Variants in PHAF1 observed in about 807,000 individuals in gnomAD.
PHAF1 encodes phagosome assembly factor 1.
PHAF1 carries 23 observed loss-of-function variants against 63.1 expected under a neutral mutation model. The observed-to-expected ratio is 0.36, with a 90% CI of 0.26 to 0.52. The LOEUF (loss-of-function observed/expected upper bound fraction) is 0.52. Ranked by LOEUF, PHAF1 falls within the 20% of genes least tolerant of loss-of-function variation. The pLI is 0.93. For synonymous variants in PHAF1, 167 were observed against 185.0 expected (o/e 0.90, Z 0.79); for missense variants, 427 against 517.2 (o/e 0.83, Z 1.69).
chr16:67,134,284 A>G lies in PHAF1; in HGVS notation c.548+19A>G, dbSNP rs1178804748. ...ATACCAAGTAAGTATAAGGAGCATG[A>G]GTTTCTTGCTAAGGCCTGGGCTGCC... On this transcript the variant is annotated intron_variant, in intron 7 of 15. Coordinates refer to ENST00000219139, the MANE Select transcript of PHAF1 (RefSeq NM_025187.5). 2 of 1,610,022 alleles carry G rather than the reference A, an allele frequency of 1.2e-6. No individual in the cohort carries two copies. The highest frequency in any genetic ancestry group is 1.7e-6 in the Non-Finnish European group (2 of 1,176,408).
In PHAF1 at chr16:67,137,134, G is replaced by A. The variant is rs868371128; in HGVS notation, c.661+2667G>A. ...AGCGCCACCGCGCTCCAGCCTGAGC[G>A]ACAGAGCAAGACTCCTTCTCAAAAA... On this transcript the variant is annotated intron_variant, in intron 8 of 15. Transcript: ENST00000219139. Among the ~76,000 whole-genome samples, 4 of 149,442 alleles carry A rather than the reference G, an allele frequency of 2.7e-5. No homozygotes were observed. In the East Asian group the frequency reaches 5.9e-4, roughly 22 times the overall value.
intron 1 of PHAF1, among the ~76,000 whole-genome samples, chr16:67,118,234 A>G (rs1334991506): frequency 2.0e-5 from 3 of 148,320 alleles, no homozygotes; most frequent in Admixed American, 1.4e-4. Context: ...CGGCCTCCCA[A>G]AGTGCTGGGA....
Position 67,132,502 on chromosome 16 carries a change from C to T in PHAF1, c.332C>T (p.Ser111Phe). Reference sequence around the variant, plus strand: ...CCTACCATTGAACAGATTGACCAGTCTTTTGGCGCAACCCATCCTGGAGGT... The same window carrying T: ...CCTACCATTGAACAGATTGACCAGTTTTTTGGCGCAACCCATCCTGGAGGT... ...IAPTIEQIDQ[S>F]FGATHPGVYN... Residue 111 changes from serine to phenylalanine, a missense_variant, in exon 5 of 16, where the codon TCT (serine) becomes TTT (phenylalanine). Ser to Phe is a radical substitution (Grantham distance 155). Transcript: ENST00000219139. 1 of 1,614,162 alleles carries T rather than the reference C, an allele frequency of 6.2e-7. No individual in the cohort carries two copies. Among genetic ancestry groups the T allele is most frequent in the Non-Finnish European group, 8.5e-7 (1 of 1,180,020 alleles).
At position 67,124,485 on chromosome 16, in the gene PHAF1, A is replaced by G. The variant is rs116269267; in HGVS notation, c.148-1474A>G. On this transcript the variant is annotated intron_variant, in intron 2 of 15. Transcript: ENST00000219139. ...AGACTCTTAGGAGAGAATTTCTCCA[A>G]TGAGGCCAACACCAGCAGTGGCTTA... Among the ~76,000 whole-genome samples the G allele has an allele frequency of 7.2e-3, 1,104 of 152,336 alleles. 16 individuals are homozygous for G. Among genetic ancestry groups the G allele is most frequent in the African/African-American group, 0.025 (1,051 of 41,576 alleles).
At chr16:67,127,394 C>T (rs1469672583) in intron 3 of PHAF1, among the ~76,000 whole-genome samples, 2 of 152,158 alleles carry the variant, frequency 1.3e-5, no homozygotes, top group Non-Finnish European at 2.9e-5. Context: ...GAAAACAAAA[C>T]ATGGAAAGAG....
Position 67,147,247 on chromosome 16 carries a change from T to G in PHAF1, c.*116T>G. The G allele has an allele frequency of 2.0e-6, 2 of 1,005,482 alleles. No homozygotes were observed. Among genetic ancestry groups the G allele is most frequent in the South Asian group, 3.1e-5 (2 of 64,744 alleles). 62.3% of individuals were successfully genotyped at this position (1,005,482 alleles called of 1,614,324 possible). A position where few individuals can be genotyped will look rare whatever the true frequency, so the allele number is the denominator to read the frequency against. The stretch of plus-strand genomic sequence containing the variant: ...ACACCTGGCCAGTGCTGAAGGGCTG[T>G]TGTGATGTTCTGAGGTTGGGCTCAG... On this transcript the variant is annotated 3_prime_UTR_variant, in exon 16 of 16. Coordinates refer to ENST00000219139, the MANE Select transcript of PHAF1 (RefSeq NM_025187.5).
chr16:67,126,549 T>G (rs573209784), intron 3 of PHAF1, among the ~76,000 whole-genome samples: 1 of 151,948 alleles, frequency 6.6e-6, no homozygotes, highest in African/African-American at 2.4e-5. Context: ...TGCAATTTGC[T>G]AACACCTGTT....
chr16:67,111,172 C>A (rs1158138501), intron 1 of PHAF1, among the ~76,000 whole-genome samples: 1 of 152,160 alleles, frequency 6.6e-6, no homozygotes, highest in Non-Finnish European at 1.5e-5. Context: ...TAAACCCAGA[C>A]CTCAGTTGTG....
intron 8 of PHAF1, 168 bp downstream of exon 8, chr16:67,134,635 G>C: frequency 1.4e-6 from 1 of 717,620 alleles, no homozygotes; most frequent in Non-Finnish European, 2.5e-6. Context: ...CAGTTCTGGA[G>C]GCTGGGAAGT....
At chr16:67,134,536 G>T in intron 8 of PHAF1, 69 bp downstream of exon 8, 1 of 1,278,074 alleles carries the variant, frequency 7.8e-7, no homozygotes, top group Non-Finnish European at 1.1e-6. Context: ...AAAATCCCAC[G>T]TGCTTAGGGT....
Position 67,110,184 on chromosome 16 carries a change from C to T in PHAF1, c.9C>T (p.Asp3=), listed in dbSNP as rs1476282399. The T allele has an allele frequency of 1.2e-5, 18 of 1,552,418 alleles. No individual in the cohort carries two copies. The highest frequency in any genetic ancestry group is 5.5e-5 in the African/African-American group (4 of 73,154). ...CCAGGCGAGCCGAACCAATGCTGGA[C>T]CTGGAGGTAGTGCCCGAACGCTCTC... The part of the protein sequence containing the change: ML[D]LEVVPERSLG... Residue 3 remains aspartate, a synonymous_variant, in exon 1 of 16, where the codon GAC becomes GAT. Transcript: ENST00000219139.
At chr16:67,134,549 G>C in intron 8 of PHAF1, 82 bp downstream of exon 8, 1 of 1,156,900 alleles carries the variant, frequency 8.6e-7, no homozygotes, top group Non-Finnish European at 1.3e-6. Context: ...CTTAGGGTGT[G>C]TCTCAGTCCA....
At chr16:67,111,652 A>C (rs544846853) in intron 1 of PHAF1, among the ~76,000 whole-genome samples, 1 of 152,232 alleles carries the variant, frequency 6.6e-6, no homozygotes, top group South Asian at 2.1e-4. Flanking sequence ...AGACAGAGTC[A>C]CTCTGTTGCC....
At chr16:67,121,557 C>T (rs1247366557) in intron 2 of PHAF1, among the ~76,000 whole-genome samples, 1 of 150,988 alleles carries the variant, frequency 6.6e-6, no homozygotes, top group African/African-American at 2.4e-5. Context: ...AAAGTGGATT[C>T]TCGTTAATTA....
intron 2 of PHAF1, among the ~76,000 whole-genome samples, chr16:67,121,878 C>T (rs1336264677): frequency 1.3e-5 from 2 of 152,092 alleles, no homozygotes; most frequent in African/African-American, 4.8e-5. Context: ...CCAGGCTTGG[C>T]CTATTTAACT....
rs1335119356 is a variant in PHAF1 at position 67,115,557 on chromosome 16, A to G, written c.65-4555A>G. On this transcript the variant is annotated intron_variant, in intron 1 of 15. Coordinates refer to ENST00000219139, the MANE Select transcript of PHAF1 (RefSeq NM_025187.5). Reference sequence around the variant, plus strand: ...GGTGTTTGGGTTTTATCTGCCTGCAATGGGAAGCCATTGAGAGGTTATAAG... The same window carrying G: ...GGTGTTTGGGTTTTATCTGCCTGCAGTGGGAAGCCATTGAGAGGTTATAAG... Among the ~76,000 whole-genome samples, 7 of 152,348 alleles carry G rather than the reference A, an allele frequency of 4.6e-5. No individual in the cohort carries two copies. In the East Asian group the frequency reaches 1.2e-3, roughly 25 times the overall value.
intron 3 of PHAF1, among the ~76,000 whole-genome samples, chr16:67,131,020 A>G (rs1265909647): frequency 6.6e-6 from 1 of 152,198 alleles, no homozygotes; most frequent in African/African-American, 2.4e-5. Context: ...TGGGAGGCTA[A>G]GACAGGAGGA....
chr16:67,117,710 A>T (rs1306662363), intron 1 of PHAF1, among the ~76,000 whole-genome samples: 1 of 151,212 alleles, frequency 6.6e-6, no homozygotes, highest in Non-Finnish European at 1.5e-5. Context: ...CAGTGAGCGG[A>T]AATCGCACCA....
chr16:67,135,780 T>C (rs1015274013), intron 8 of PHAF1: 11 of 152,232 alleles, frequency 7.2e-5, no homozygotes, highest in African/African-American at 2.2e-4. Flanking sequence ...CTTTTCTCCC[T>C]ATATTATCCA....
Sources: gnomAD v4.1 joint callset for allele counts (sites outside exome capture counted in the v4.1 genomes callset) on GRCh38, gnomAD v4.1.1 for gene constraint, MANE v1.5 for transcripts, NCBI Gene and HGNC (gene_info 2026-07-23, HGNC 2026-07-21) for gene names.